The following TLR6 variants were observed in gnomAD, a reference collection of about 807,000 sequenced individuals.
TLR6 encodes the protein toll like receptor 6.
TLR6 carries 9 observed loss-of-function variants against 16.1 expected under a neutral mutation model. The ratio of observed to expected loss-of-function variants is 0.56; its 90% CI spans 0.34 to 0.98. The LOEUF (loss-of-function observed/expected upper bound fraction) is 0.98, where lower values mean the gene tolerates loss of function less well. Among genes scored for constraint, TLR6 ranks in the 50% least tolerant of loss-of-function variants. The probability of loss-of-function intolerance (pLI) is 0.02; values close to 1 mark genes in which losing one functional copy is unlikely to be tolerated. For synonymous variants in TLR6, 340 were observed against 338.6 expected (o/e 1.00, Z -0.04); for missense variants, 786 against 921.0 (o/e 0.85, Z 1.90).
chr4:38,854,358 A>G (rs1331913824), intron 1 of TLR6, among the ~76,000 whole-genome samples: 1 of 152,232 alleles, frequency 6.6e-6, no homozygotes, highest in Non-Finnish European at 1.5e-5. Context: ...ATTTTTTATA[A>G]TGTTATTTGG....
intron 1 of TLR6, among the ~76,000 whole-genome samples, chr4:38,851,585 C>A (rs1283025468): frequency 6.6e-6 from 1 of 152,178 alleles, no homozygotes; most frequent in African/African-American, 2.4e-5. Flanking sequence ...CATTCTTATA[C>A]ATCAATAACA....
exon 2 of TLR6, chr4:38,826,962 G>A (rs994956161): frequency 7.2e-6 from 6 of 837,702 alleles, no homozygotes; most frequent in African/African-American, 1.7e-5. Context: ...CATTGTTTTT[G>A]TTAAGTCTTT....
chr4:38,864,640 C>A, the TLR6 span, among the ~76,000 whole-genome samples: 1 of 152,122 alleles, frequency 6.6e-6, no homozygotes, highest in African/African-American at 2.4e-5. Context: ...TACAGGATGT[C>A]CTTAATATTC....
At chr4:38,828,321 G>C in exon 2 of TLR6, 1 of 1,613,370 alleles carries the variant, frequency 6.2e-7, no homozygotes, top group Non-Finnish European at 8.5e-7. Context: ...CCATTCTTTT[G>C]TAAGATAAGT....
At chr4:38,836,146 A>T (rs1711903492) in intron 1 of TLR6, among the ~76,000 whole-genome samples, 1 of 152,144 alleles carries the variant, frequency 6.6e-6, no homozygotes, top group Non-Finnish European at 1.5e-5. Flanking sequence ...AGAACTAAAC[A>T]AAAGAGATAT....
the TLR6 span, among the ~76,000 whole-genome samples, chr4:38,865,034 G>T: frequency 3.2e-4 from 49 of 152,248 alleles, no homozygotes; most frequent in Middle Eastern, 3.4e-3. Context: ...AGAAATATGG[G>T]TGGGAGGGAT....
At chr4:38,835,909 A>G (rs568936261) in intron 1 of TLR6, among the ~76,000 whole-genome samples, 1 of 152,306 alleles carries the variant, frequency 6.6e-6, no homozygotes, top group East Asian at 1.9e-4. Context: ...GAGGTAAAAA[A>G]GTTTCTTGAA....
chr4:38,827,683 C>A, exon 2 of TLR6: 1 of 1,614,238 alleles, frequency 6.2e-7, no homozygotes, highest in African/African-American at 1.3e-5. Flanking sequence ...TCACAGCCAA[C>A]ACCAGCATGG....
At chr4:38,837,677 C>T (rs910096963) in intron 1 of TLR6, among the ~76,000 whole-genome samples, 1 of 152,124 alleles carries the variant, frequency 6.6e-6, no homozygotes, top group Non-Finnish European at 1.5e-5. Flanking sequence ...CTTGAGGACA[C>T]TGGTCTAGGT....
chr4:38,862,930 T>TG, the TLR6 span, among the ~76,000 whole-genome samples: 1 of 83,112 alleles, frequency 1.2e-5, no homozygotes, highest in African/African-American at 5.0e-5. Context: ...TTCTCCCATC[T>TG]AAAAAAAAAA....
At chr4:38,826,237 T>G (rs1218066651) in exon 2 of TLR6, 3 of 152,268 alleles carry the variant, frequency 2.0e-5, no homozygotes, top group Admixed American at 6.5e-5. Context: ...TTAATCACGC[T>G]TTTGACTCTA....
At chr4:38,848,257 GACATCC>G (rs984048212) in intron 1 of TLR6, among the ~76,000 whole-genome samples, 1 of 152,136 alleles carries the variant, frequency 6.6e-6, no homozygotes, top group Non-Finnish European at 1.5e-5. Flanking sequence ...AAACAGAAAG[GACATCC>G]ACACCAAAAA....
chr4:38,853,146 C>T (rs1039245163), intron 1 of TLR6, among the ~76,000 whole-genome samples: 6 of 147,978 alleles, frequency 4.1e-5, no homozygotes, highest in African/African-American at 1.0e-4. Flanking sequence ...AACCAAACAC[C>T]GCATGTTCTC....
chr4:38,858,832 G>GGAGA (rs1713114793), upstream of TLR6, among the ~76,000 whole-genome samples: 3 of 50,870 alleles, frequency 5.9e-5, no homozygotes, highest in African/African-American at 2.6e-4. Context: ...AGAGAGAGAG[G>GGAGA]AAGAAAGAAA....
At chr4:38,854,976 A>G (rs934436634) in intron 1 of TLR6, among the ~76,000 whole-genome samples, 2 of 152,258 alleles carry the variant, frequency 1.3e-5, no homozygotes, top group South Asian at 2.1e-4. Flanking sequence ...TTGGGAGGCC[A>G]AGGCGGGTGG....
At chr4:38,862,930 TAAAAAAAAAAAA>T in the TLR6 span, among the ~76,000 whole-genome samples, 26 of 83,096 alleles carry the variant, frequency 3.1e-4, no homozygotes, top group African/African-American at 1.1e-3. Context: ...TTCTCCCATC[TAAAAAAAAAAAA>T]AAAAAAAAAA....
chr4:38,839,913 T>C (rs1041479098), intron 1 of TLR6, among the ~76,000 whole-genome samples: 8 of 152,210 alleles, frequency 5.3e-5, no homozygotes, highest in Non-Finnish European at 8.8e-5. Context: ...AGTGCTGAGC[T>C]AGACTTTCAG....
chr4:38,839,314 A>ATTTT (rs1222671331), intron 1 of TLR6, among the ~76,000 whole-genome samples: 8 of 152,068 alleles, frequency 5.3e-5, no homozygotes, highest in South Asian at 2.1e-4. Flanking sequence ...TTTTTTTAAA[A>ATTTT]AAAATTAATA....
intron 1 of TLR6, among the ~76,000 whole-genome samples, chr4:38,846,088 CAAAAAAAA>C (rs10713614): frequency 1.3e-4 from 13 of 97,038 alleles, no homozygotes; most frequent in Admixed American, 9.5e-4. Context: ...CGAGACATCT[CAAAAAAAA>C]AAAAAAAAAA....
Sources: allele counts gnomAD v4.1 joint callset (sites outside exome capture counted in the v4.1 genomes callset), GRCh38; gene constraint gnomAD v4.1.1; transcripts MANE v1.5; gene names NCBI Gene and HGNC (gene_info 2026-07-23, HGNC 2026-07-21).